The following ITIH5 variants were observed in gnomAD, a reference collection of about 807,000 sequenced individuals.
The protein encoded by ITIH5 is inter-alpha-trypsin inhibitor heavy chain 5, also known as inter-alpha-trypsin inhibitor heavy chain H5.
ITIH5 carries 65 observed loss-of-function variants against 77.5 expected under a neutral mutation model. The ratio of observed to expected loss-of-function variants is 0.84; its 90% CI spans 0.69 to 1.03. ITIH5 has a LOEUF of 1.03. Among genes scored for constraint, ITIH5 ranks in the 50% least tolerant of loss-of-function variants. ITIH5 has a pLI of 0.00. For synonymous variants in ITIH5, 525 were observed against 494.3 expected (o/e 1.06, Z -0.82); for missense variants, 1,208 against 1,213.1 (o/e 1.00, Z 0.06).
chr10:7,644,812 TA>T, intron 2 of ITIH5, among the ~76,000 whole-genome samples: 1 of 140,692 alleles, frequency 7.1e-6, no homozygotes, highest in East Asian at 2.0e-4. Context: ...ATATATCACA[TA>T]TATATCATAT....
At chr10:7,586,809 A>G (rs1228055835) in intron 7 of ITIH5, among the ~76,000 whole-genome samples, 1 of 151,702 alleles carries the variant, frequency 6.6e-6, no homozygotes, top group African/African-American at 2.4e-5. Flanking sequence ...TAAAGAATAC[A>G]TTGAAAGAAC....
chr10:7,577,183 G>A (rs1415176907), intron 9 of ITIH5, among the ~76,000 whole-genome samples, 171 bp from the exon 10 acceptor site: 5 of 152,270 alleles, frequency 3.3e-5, no homozygotes, highest in Admixed American at 6.5e-5. Context: ...CTAGGCAGCA[G>A]GTTGAACACC....
intron 2 of ITIH5, among the ~76,000 whole-genome samples, chr10:7,644,349 C>T (rs935266357): frequency 6.9e-6 from 1 of 145,820 alleles, no homozygotes; most frequent in Non-Finnish European, 1.5e-5. Flanking sequence ...ACATATATCA[C>T]ATATATATCA....
At chr10:7,624,885 ATGTG>A (rs1833549084) in intron 5 of ITIH5, among the ~76,000 whole-genome samples, 3 of 41,016 alleles carry the variant, frequency 7.3e-5, no homozygotes, top group African/African-American at 3.0e-4. Context: ...ATGTATATAT[ATGTG>A]TATATATATA....
chr10:7,594,369 C>G (rs1329268605), intron 7 of ITIH5, among the ~76,000 whole-genome samples: 1 of 152,124 alleles, frequency 6.6e-6, no homozygotes, highest in Non-Finnish European at 1.5e-5. Context: ...CCCAGGAAGC[C>G]ACGCTCGTGT....
chr10:7,657,641 TA>T (rs34011622), intron 1 of ITIH5, among the ~76,000 whole-genome samples: 36,490 of 152,068 alleles, frequency 0.24, 4,743 homozygotes, highest in East Asian at 0.33. Context: ...CTACATTTAC[TA>T]ACATGAATCA....
intron 11 of ITIH5, 28 bp downstream of exon 11, chr10:7,573,114 C>A: frequency 6.2e-7 from 1 of 1,604,022 alleles, no homozygotes; most frequent in Non-Finnish European, 8.5e-7. Flanking sequence ...TACTCTCAAT[C>A]CACACACAAC....
At chr10:7,580,180 G>A (rs1342322059) in intron 8 of ITIH5, 116 bp from the exon 9 acceptor site, 1 of 851,498 alleles carries the variant, frequency 1.2e-6, no homozygotes, top group African/African-American at 1.7e-5. Context: ...GAGTGCAATG[G>A]CGCAATCTGC....
intron 2 of ITIH5, among the ~76,000 whole-genome samples, chr10:7,648,922 G>C (rs935934993): frequency 6.6e-6 from 1 of 152,120 alleles, no homozygotes; most frequent in Non-Finnish European, 1.5e-5. Flanking sequence ...AAAGGTTCAA[G>C]AAACTATTTT....
chr10:7,613,886 G>T (rs1298543204), intron 7 of ITIH5, among the ~76,000 whole-genome samples: 1 of 152,134 alleles, frequency 6.6e-6, no homozygotes, highest in Non-Finnish European at 1.5e-5. Context: ...GTGCCATTTG[G>T]GCTGCCCAAA....
intron 6 of ITIH5, among the ~76,000 whole-genome samples, chr10:7,616,490 G>C: frequency 6.6e-6 from 1 of 151,964 alleles, no homozygotes; most frequent in South Asian, 2.1e-4. Flanking sequence ...CCCTGTCTCT[G>C]GAACAATAAG....
At chr10:7,624,149 T>G (rs1048647908) in intron 5 of ITIH5, among the ~76,000 whole-genome samples, 11 of 152,180 alleles carry the variant, frequency 7.2e-5, no homozygotes, top group Non-Finnish European at 1.3e-4. Context: ...AGAGAGACTA[T>G]GTGTGAAAAC....
chr10:7,568,322 G>C (rs1270947905), intron 12 of ITIH5, among the ~76,000 whole-genome samples: 14 of 152,160 alleles, frequency 9.2e-5, no homozygotes, highest in Admixed American at 9.2e-4. Flanking sequence ...CTGGGGCAAG[G>C]GGTCAGGGGA....
intron 7 of ITIH5, among the ~76,000 whole-genome samples, chr10:7,603,297 A>T (rs890453004): frequency 6.6e-6 from 1 of 152,218 alleles, no homozygotes. Flanking sequence ...CCAGGCACAA[A>T]AGGCCGCACA....
Position 7,628,421 on chromosome 10 carries a change from G to A in ITIH5, c.652+8807C>T, listed in dbSNP as rs983688135. 5.9e-5 allele frequency among the ~76,000 whole-genome samples: 9 copies of A among 152,288 alleles called. No individual in the cohort carries two copies. The South Asian group carries it at 6.2e-4, about 11-fold the overall frequency. The stretch of plus-strand genomic sequence containing the variant: ...TTCTTTCACTTAGCATAATGTTTTC[G>A]AGACTCCGTCACACTGTAGCATGTG... On this transcript the variant is annotated intron_variant, in intron 5 of 13. Coordinates refer to ENST00000397146, the MANE Select transcript of ITIH5 (RefSeq NM_030569.7).
chr10:7,595,052 A>C (rs1832867576), intron 7 of ITIH5, among the ~76,000 whole-genome samples: 1 of 152,150 alleles, frequency 6.6e-6, no homozygotes, highest in African/African-American at 2.4e-5. Flanking sequence ...TCCACATGTC[A>C]TCAGAAGAGA....
At chr10:7,665,916 G>C (rs1834354344) in intron 1 of ITIH5, among the ~76,000 whole-genome samples, 1 of 152,186 alleles carries the variant, frequency 6.6e-6, no homozygotes, top group Non-Finnish European at 1.5e-5. Flanking sequence ...GAAGATAACT[G>C]TCTTCATATT....
chr10:7,655,582 TAGA>T (rs1428447088), intron 2 of ITIH5, 46 bp downstream of exon 2: 2 of 1,454,350 alleles, frequency 1.4e-6, no homozygotes, highest in East Asian at 4.5e-5. Context: ...TCAAAATAAA[TAGA>T]AGAATGAGGG....
intron 9 of ITIH5, among the ~76,000 whole-genome samples, chr10:7,577,905 C>T (rs750547116): frequency 3.3e-5 from 5 of 152,154 alleles, no homozygotes; most frequent in Non-Finnish European, 1.5e-5. Flanking sequence ...AATTGAGCTC[C>T]GGCCATCCAG....
Sources: allele counts gnomAD v4.1 joint callset (sites outside exome capture counted in the v4.1 genomes callset), GRCh38; gene constraint gnomAD v4.1.1; transcripts MANE v1.5; gene names NCBI Gene and HGNC (gene_info 2026-07-23, HGNC 2026-07-21).